IQCM: variants seen among roughly 807,000 people sequenced by gnomAD.
IQCM encodes IQ motif containing M, also known as IQ domain-containing protein M.
IQCM carries 45 observed loss-of-function variants against 57.6 expected under a neutral mutation model. The ratio of observed to expected loss-of-function variants is 0.78; its 90% CI spans 0.62 to 1.00. The LOEUF is 1.00. Ranked by LOEUF, IQCM falls within the 50% of genes least tolerant of loss-of-function variation. IQCM has a pLI of 0.00. For synonymous variants in IQCM, 148 were observed against 158.9 expected (o/e 0.93, Z 0.51); for missense variants, 468 against 511.6 (o/e 0.91, Z 0.82).
chr4:149,609,352 T>A (rs538858926), intron 8 of IQCM, among the ~76,000 whole-genome samples: 22 of 151,822 alleles, frequency 1.4e-4, no homozygotes, highest in Non-Finnish European at 2.7e-4. Flanking sequence ...ACTATTTTTT[T>A]AAAAAATTGA....
intron 12 of IQCM, among the ~76,000 whole-genome samples, chr4:149,542,183 T>C (rs1303961685): frequency 1.3e-5 from 2 of 152,088 alleles, no homozygotes; most frequent in East Asian, 1.9e-4. Flanking sequence ...TAAAATTACA[T>C]TGGAGTGGCC....
chr4:149,423,790 CACTT>C (rs1467993564), intron 13 of IQCM, among the ~76,000 whole-genome samples: 1 of 151,910 alleles, frequency 6.6e-6, no homozygotes, highest in East Asian at 1.9e-4. Flanking sequence ...TGAATACAGA[CACTT>C]AATAAATATT....
intron 7 of IQCM, among the ~76,000 whole-genome samples, chr4:149,677,386 C>G (rs551662576): frequency 6.6e-6 from 1 of 152,154 alleles, no homozygotes; most frequent in African/African-American, 2.4e-5. Flanking sequence ...GCTGAGGTAT[C>G]CCCATTGGGA....
At chr4:149,483,749 A>G (rs779715622) in intron 12 of IQCM, among the ~76,000 whole-genome samples, 30 of 152,030 alleles carry the variant, frequency 2.0e-4, no homozygotes, top group Admixed American at 1.8e-3. Context: ...TTCTGTAGCC[A>G]TTGGATGAAA....
intron 13 of IQCM, among the ~76,000 whole-genome samples, chr4:149,420,932 A>G (rs1045017431): frequency 5.9e-5 from 9 of 152,032 alleles, no homozygotes; most frequent in East Asian, 1.9e-4. Flanking sequence ...AAGTCTTACT[A>G]TTAAAGTCTA....
chr4:149,445,223 T>C (rs976748979), intron 12 of IQCM, among the ~76,000 whole-genome samples: 11 of 151,840 alleles, frequency 7.2e-5, no homozygotes, highest in African/African-American at 2.4e-4. Context: ...TAATCAAATA[T>C]AAGTGACTGA....
chr4:149,593,087 G>C (rs1453638205), intron 8 of IQCM, among the ~76,000 whole-genome samples: 1 of 152,100 alleles, frequency 6.6e-6, no homozygotes, highest in African/African-American at 2.4e-5. Context: ...TCCTATCCAT[G>C]AGCATGGCAT....
At chr4:149,596,850 A>T (rs1323688181) in intron 8 of IQCM, among the ~76,000 whole-genome samples, 1 of 152,198 alleles carries the variant, frequency 6.6e-6, no homozygotes, top group East Asian at 1.9e-4. Flanking sequence ...AAGCAATTTT[A>T]TCAATCATTT....
intron 8 of IQCM, among the ~76,000 whole-genome samples, chr4:149,611,338 T>C (rs1223817137): frequency 6.6e-6 from 1 of 152,098 alleles, no homozygotes; most frequent in Non-Finnish European, 1.5e-5. Flanking sequence ...GCTGGGTATA[T>C]ATCCAAAGGA....
At chr4:149,586,628 C>G (rs1048781344) in intron 9 of IQCM, among the ~76,000 whole-genome samples, 36 of 151,400 alleles carry the variant, frequency 2.4e-4, no homozygotes, top group African/African-American at 7.0e-4. Context: ...TTTATAAAAC[C>G]TGTTACATGT....
At chr4:149,410,721 G>T (rs1733325163) in intron 13 of IQCM, among the ~76,000 whole-genome samples, 1 of 151,878 alleles carries the variant, frequency 6.6e-6, no homozygotes, top group South Asian at 2.1e-4. Flanking sequence ...TTAGTAAAAA[G>T]TCAGACTTCT....
intron 13 of IQCM, among the ~76,000 whole-genome samples, chr4:149,403,206 T>G (rs576316640): frequency 1.3e-5 from 2 of 152,088 alleles, no homozygotes; most frequent in East Asian, 3.9e-4. Flanking sequence ...GAAACTACCT[T>G]TCCAGATTGC....
At chr4:149,531,442 T>C (rs1746738473) in intron 12 of IQCM, among the ~76,000 whole-genome samples, 1 of 152,128 alleles carries the variant, frequency 6.6e-6, no homozygotes, top group African/African-American at 2.4e-5. Context: ...GCTTCCTTCT[T>C]TCCTCCCTGC....
chr4:149,781,341 G>C (rs1272846114), intron 2 of IQCM, among the ~76,000 whole-genome samples: 1 of 152,154 alleles, frequency 6.6e-6, no homozygotes, highest in Non-Finnish European at 1.5e-5. Context: ...TGAGTAGCAT[G>C]ATGAAATCTC....
At chr4:149,415,766 C>G (rs1309357516) in intron 13 of IQCM, among the ~76,000 whole-genome samples, 1 of 152,044 alleles carries the variant, frequency 6.6e-6, no homozygotes, top group African/African-American at 2.4e-5. Flanking sequence ...ATAAACTCAT[C>G]TATTCAGAGT....
chr4:149,390,640 G>T (rs1046998893), intron 13 of IQCM, among the ~76,000 whole-genome samples: 17 of 151,890 alleles, frequency 1.1e-4, no homozygotes, highest in Non-Finnish European at 2.4e-4. Context: ...ATGAAACTGT[G>T]TTGGATTTTG....
At chr4:149,470,611 C>T (rs1271374655) in intron 12 of IQCM, among the ~76,000 whole-genome samples, 1 of 152,172 alleles carries the variant, frequency 6.6e-6, no homozygotes, top group Non-Finnish European at 1.5e-5. Context: ...CTCAGCTCTG[C>T]ACCAAGCAGA....
intron 12 of IQCM, among the ~76,000 whole-genome samples, chr4:149,468,448 A>G (rs1739117402): frequency 6.6e-6 from 1 of 152,180 alleles, no homozygotes; most frequent in African/African-American, 2.4e-5. Flanking sequence ...GCCATTGCTG[A>G]GGCTTGAATA....
At chr4:149,430,433 T>C (rs1014767405) in intron 13 of IQCM, among the ~76,000 whole-genome samples, 1 of 151,954 alleles carries the variant, frequency 6.6e-6, no homozygotes, top group Non-Finnish European at 1.5e-5. Context: ...ATCCATGAAA[T>C]GATAACCACA....
Sources: allele counts gnomAD v4.1 joint callset (sites outside exome capture counted in the v4.1 genomes callset), GRCh38; gene constraint gnomAD v4.1.1; transcripts MANE v1.5; gene names NCBI Gene and HGNC (gene_info 2026-07-23, HGNC 2026-07-21).